Variants in IGF2BP3 observed in about 807,000 individuals in gnomAD.
IGF2BP3 encodes insulin-like growth factor 2 mRNA-binding protein 3.
Under a neutral mutation model 73.8 loss-of-function variants are expected in IGF2BP3, and 9 were observed. The observed-to-expected ratio is 0.12, with a 90% CI of 0.07 to 0.21. IGF2BP3 has a LOEUF of 0.21. IGF2BP3 is among the 10% of genes least tolerant of loss of function. The probability of loss-of-function intolerance (pLI) is 1.00; values close to 1 mark genes in which losing one functional copy is unlikely to be tolerated. For synonymous variants in IGF2BP3, 258 were observed against 256.7 expected, an observed-to-expected ratio of 1.01 and a Z score of -0.05; for missense variants, 542 against 714.0, an observed-to-expected ratio of 0.76 and a Z score of 2.75.
At chr7:23,427,885 T>C (rs1787556713) in intron 2 of IGF2BP3, among the ~76,000 whole-genome samples, 1 of 152,172 alleles carries the variant, frequency 6.6e-6, no homozygotes, top group Non-Finnish European at 1.5e-5. Flanking sequence ...CCGGCATCTG[T>C]AATCCCAGCT....
At chr7:23,382,831 G>C (rs1785953323) in intron 3 of IGF2BP3, among the ~76,000 whole-genome samples, 1 of 136,380 alleles carries the variant, frequency 7.3e-6, no homozygotes, top group East Asian at 2.4e-4. Flanking sequence ...AGGGAGGGTA[G>C]AGATTTGCTG....
intron 3 of IGF2BP3, among the ~76,000 whole-genome samples, chr7:23,392,079 TAACC>T (rs1228972287): frequency 6.6e-6 from 1 of 152,154 alleles, no homozygotes; most frequent in Non-Finnish European, 1.5e-5. Context: ...CTACACACCC[TAACC>T]AACAGAGCTA....
intron 3 of IGF2BP3, among the ~76,000 whole-genome samples, chr7:23,405,856 G>C (rs1273875823): frequency 6.6e-6 from 1 of 152,252 alleles, no homozygotes; most frequent in South Asian, 2.1e-4. Flanking sequence ...GTCCATCTTG[G>C]TGAAAGAATT....
intron 14 of IGF2BP3, 108 bp downstream of exon 14, chr7:23,312,627 A>G (rs1447065752): frequency 1.1e-6 from 1 of 925,714 alleles, no homozygotes; most frequent in East Asian, 2.6e-5. Flanking sequence ...GGAGATGAAA[A>G]GTCTTAAGCA....
At chr7:23,337,781 C>T (rs1361092706) in intron 10 of IGF2BP3, among the ~76,000 whole-genome samples, 1 of 152,204 alleles carries the variant, frequency 6.6e-6, no homozygotes, top group African/African-American at 2.4e-5. Context: ...GCAATCCTCC[C>T]ACCTCCGCCT....
chr7:23,363,875 C>T (rs182085509), intron 3 of IGF2BP3, among the ~76,000 whole-genome samples: 7 of 152,272 alleles, frequency 4.6e-5, no homozygotes, highest in South Asian at 2.1e-4. Flanking sequence ...ATTTTATAAA[C>T]GCCAAAAATT....
chr7:23,407,914 G>A (rs1193630204), intron 3 of IGF2BP3, among the ~76,000 whole-genome samples: 1 of 121,182 alleles, frequency 8.3e-6, no homozygotes, highest in Non-Finnish European at 1.6e-5. Context: ...TTTATCATAG[G>A]AATGCAGGGT....
chr7:23,460,715 C>T (rs780726229), intron 2 of IGF2BP3, among the ~76,000 whole-genome samples: 12 of 151,970 alleles, frequency 7.9e-5, no homozygotes, highest in Admixed American at 7.2e-4. Flanking sequence ...TTTGGGAGGC[C>T]GAGACAGGTG....
intron 3 of IGF2BP3, among the ~76,000 whole-genome samples, chr7:23,378,123 A>ATCAGGATCACTTGAGCCTCAGAGGC (rs1785784940): frequency 6.6e-6 from 1 of 152,172 alleles, no homozygotes; most frequent in Non-Finnish European, 1.5e-5. Flanking sequence ...TTCGATTTTT[A>ATCAGGATCACTTGAGCCTCAGAGGC]AAAAAATTAA....
chr7:23,313,449 G>A (rs2128490977), intron 13 of IGF2BP3, 73 bp downstream of exon 13: 3 of 1,507,816 alleles, frequency 2.0e-6, no homozygotes, highest in Non-Finnish European at 2.7e-6. Context: ...AAAATTCGGG[G>A]ACTTGGAACT....
intron 12 of IGF2BP3, among the ~76,000 whole-genome samples, chr7:23,316,660 G>A (rs1174571464): frequency 2.3e-5 from 3 of 132,486 alleles, no homozygotes; most frequent in East Asian, 2.4e-4. Context: ...GGGCGACAGA[G>A]TGAGACTCTG....
intron 2 of IGF2BP3, among the ~76,000 whole-genome samples, chr7:23,447,398 T>C (rs1255086726): frequency 6.6e-6 from 1 of 151,740 alleles, no homozygotes; most frequent in Non-Finnish European, 1.5e-5. Context: ...CCAAGGCAGG[T>C]AGATCACTTG....
At chr7:23,401,134 TCTC>T (rs1457822374) in intron 3 of IGF2BP3, among the ~76,000 whole-genome samples, 2 of 152,106 alleles carry the variant, frequency 1.3e-5, no homozygotes. Context: ...GAAGAAATGG[TCTC>T]CTTTTAAAAA....
chr7:23,329,306 C>T (rs544954310), intron 10 of IGF2BP3, among the ~76,000 whole-genome samples: 7 of 152,180 alleles, frequency 4.6e-5, no homozygotes, highest in African/African-American at 1.4e-4. Flanking sequence ...TTCACTCAAA[C>T]GTCCCTACTG....
At chr7:23,404,832 A>G (rs1317545522) in intron 3 of IGF2BP3, among the ~76,000 whole-genome samples, 1 of 152,130 alleles carries the variant, frequency 6.6e-6, no homozygotes, top group African/African-American at 2.4e-5. Flanking sequence ...AAAATTAGAC[A>G]CAGCATTAAT....
At chr7:23,434,797 G>C (rs1187052328) in intron 2 of IGF2BP3, among the ~76,000 whole-genome samples, 3 of 152,014 alleles carry the variant, frequency 2.0e-5, no homozygotes, top group Non-Finnish European at 4.4e-5. Flanking sequence ...AGATAGAACA[G>C]GTATGTTTAC....
intron 11 of IGF2BP3, among the ~76,000 whole-genome samples, chr7:23,318,708 T>C (rs1302391347): frequency 6.6e-6 from 1 of 152,176 alleles, no homozygotes; most frequent in Non-Finnish European, 1.5e-5. Context: ...TTCTGGGCAA[T>C]GGAAATATAG....
At chr7:23,368,338 AG>A (rs1388753304) in intron 3 of IGF2BP3, among the ~76,000 whole-genome samples, 34 of 140,892 alleles carry the variant, frequency 2.4e-4, no homozygotes, top group South Asian at 6.9e-4. Context: ...AAAGAAAGAA[AG>A]AAAAAAAGAA....
intron 2 of IGF2BP3, among the ~76,000 whole-genome samples, chr7:23,439,229 C>A (rs1005120647): frequency 6.6e-6 from 1 of 151,754 alleles, no homozygotes; most frequent in Non-Finnish European, 1.5e-5. Flanking sequence ...GGGACAGAGA[C>A]CTTGCCTCAA....
Sources: allele counts gnomAD v4.1 joint callset (sites outside exome capture counted in the v4.1 genomes callset), GRCh38; gene constraint gnomAD v4.1.1; transcripts MANE v1.5; gene names NCBI Gene and HGNC (gene_info 2026-07-23, HGNC 2026-07-21).